Variants in LURAP1L observed in about 807,000 individuals in gnomAD.
LURAP1L encodes leucine rich adaptor protein 1 like, also known as leucine rich adaptor protein 1-like.
LURAP1L carries 12 observed loss-of-function variants against 13.8 expected under a neutral mutation model. That is an observed-to-expected ratio of 0.87 (90% CI 0.56 to 1.41). The LOEUF is 1.41. Ranked by LOEUF, LURAP1L falls within the 40% of genes most tolerant of loss-of-function variation. The pLI, the probability that LURAP1L is intolerant of heterozygous loss-of-function variation, is 0.00. For missense variants in LURAP1L, 375 were observed against 292.9 expected (o/e 1.28, Z -2.04); for synonymous variants, 139 against 119.2 (o/e 1.17, Z -1.08).
chr9:12,801,151 A>T (rs1819580373), intron 1 of LURAP1L, among the ~76,000 whole-genome samples: 1 of 152,148 alleles, frequency 6.6e-6, no homozygotes, highest in South Asian at 2.1e-4. Context: ...TGAGTTGTAT[A>T]AGCAGAGAAT....
intron 1 of LURAP1L, among the ~76,000 whole-genome samples, chr9:12,793,681 A>G (rs1007816656): frequency 6.6e-6 from 1 of 152,086 alleles, no homozygotes; most frequent in Non-Finnish European, 1.5e-5. Context: ...CTTAATGACC[A>G]TTGTGCATTA....
At chr9:12,799,481 T>C (rs1444060141) in intron 1 of LURAP1L, among the ~76,000 whole-genome samples, 1 of 152,194 alleles carries the variant, frequency 6.6e-6, no homozygotes, top group Non-Finnish European at 1.5e-5. Flanking sequence ...ATATAAATAA[T>C]CATTTTGAAC....
intron 1 of LURAP1L, among the ~76,000 whole-genome samples, chr9:12,788,398 T>G (rs966303312): frequency 6.6e-6 from 1 of 152,106 alleles, no homozygotes; most frequent in Non-Finnish European, 1.5e-5. Flanking sequence ...TGACACTATA[T>G]TTTTAAAAAA....
chr9:12,802,473 A>G (rs1049534081), intron 1 of LURAP1L, among the ~76,000 whole-genome samples: 6 of 152,086 alleles, frequency 3.9e-5, no homozygotes, highest in African/African-American at 1.4e-4. Flanking sequence ...GCCACGTGAA[A>G]TGCTAGCTCT....
chr9:12,810,848 T>C (rs1819726608), intron 1 of LURAP1L, among the ~76,000 whole-genome samples: 2 of 152,126 alleles, frequency 1.3e-5, no homozygotes, highest in African/African-American at 4.8e-5. Flanking sequence ...AGTTTCCAAA[T>C]GAAAATATTT....
chr9:12,804,573 C>A (rs1438207903), intron 1 of LURAP1L, among the ~76,000 whole-genome samples: 1 of 151,982 alleles, frequency 6.6e-6, no homozygotes, highest in Non-Finnish European at 1.5e-5. Context: ...GAATTCCTGA[C>A]CTGAGGTGAT....
chr9:12,793,634 G>A (rs1327237936), intron 1 of LURAP1L, among the ~76,000 whole-genome samples: 1 of 152,020 alleles, frequency 6.6e-6, no homozygotes, highest in Non-Finnish European at 1.5e-5. Context: ...ATCTTATGGG[G>A]ATTCATACAT....
intron 1 of LURAP1L, among the ~76,000 whole-genome samples, chr9:12,780,027 A>C (rs1819247801): frequency 6.6e-6 from 1 of 152,190 alleles, no homozygotes; most frequent in African/African-American, 2.4e-5. Context: ...GGTTCTCCTG[A>C]CACGACCAGT....
In LURAP1L at chr9:12,821,393, T is replaced by A; in HGVS notation, c.320T>A (p.Leu107His). ...TTCTCTCTTTGTCCATAGGTTAACC[T>A]CAGAGCCACAGACGTCAGGCTCATG... The part of the protein sequence containing the change: ...LHLLRQEMVN[L>H]RATDVRLMRQ... Residue 107 changes from leucine to histidine, a missense_variant, in exon 2 of 2, where the codon CTC becomes CAC. Physicochemically the swap from Leu to His is moderately conservative, Grantham distance 99 (BLOSUM62 -3). Transcript: ENST00000319264. 6.2e-7 allele frequency: 1 copy of A among 1,613,008 alleles called. No homozygotes were observed. Among genetic ancestry groups the A allele is most frequent in the Non-Finnish European group, 8.5e-7 (1 of 1,179,122 alleles).
intron 1 of LURAP1L, among the ~76,000 whole-genome samples, chr9:12,792,788 A>G (rs892927172): frequency 6.6e-6 from 1 of 152,080 alleles, no homozygotes; most frequent in Non-Finnish European, 1.5e-5. Flanking sequence ...CGTGTTTTTC[A>G]GGAATCCTGA....
intron 1 of LURAP1L, among the ~76,000 whole-genome samples, chr9:12,802,071 A>G (rs1819594921): frequency 1.3e-5 from 2 of 152,182 alleles, no homozygotes; most frequent in Admixed American, 1.3e-4. Context: ...GATATACATA[A>G]TAAAGTTGGC....
intron 1 of LURAP1L, among the ~76,000 whole-genome samples, chr9:12,792,343 G>C (rs927609470): frequency 7.9e-5 from 12 of 152,068 alleles, no homozygotes; most frequent in Admixed American, 5.2e-4. Flanking sequence ...TAGCACTTTT[G>C]TCTAAAAAAA....
intron 1 of LURAP1L, among the ~76,000 whole-genome samples, chr9:12,820,704 C>T (rs1018483231): frequency 7.2e-5 from 11 of 152,090 alleles, no homozygotes; most frequent in African/African-American, 1.7e-4. Flanking sequence ...CCTTTGGATT[C>T]AGGGAATATT....
chr9:12,813,227 C>T (rs1018547207), intron 1 of LURAP1L, among the ~76,000 whole-genome samples: 2 of 152,016 alleles, frequency 1.3e-5, no homozygotes, highest in Admixed American at 1.3e-4. Context: ...CAATCACAGA[C>T]ATTATTAAAA....
At chr9:12,782,262 G>C (rs1298421527) in intron 1 of LURAP1L, among the ~76,000 whole-genome samples, 3 of 152,144 alleles carry the variant, frequency 2.0e-5, no homozygotes, top group African/African-American at 7.2e-5. Context: ...TTAACTTGAT[G>C]TGATCCCATT....
At chr9:12,793,616 A>C (rs991769681) in intron 1 of LURAP1L, among the ~76,000 whole-genome samples, 7 of 152,104 alleles carry the variant, frequency 4.6e-5, no homozygotes, top group African/African-American at 1.7e-4. Flanking sequence ...TTTCCACTCG[A>C]AGTTGAAATC....
chr9:12,806,481 G>C (rs1304788613), intron 1 of LURAP1L, among the ~76,000 whole-genome samples: 1 of 151,786 alleles, frequency 6.6e-6, no homozygotes, highest in Non-Finnish European at 1.5e-5. Flanking sequence ...CAATTCAGTA[G>C]TAAACAGTAG....
At chr9:12,780,226 G>T (rs1467422016) in intron 1 of LURAP1L, among the ~76,000 whole-genome samples, 1 of 152,192 alleles carries the variant, frequency 6.6e-6, no homozygotes, top group African/African-American at 2.4e-5. Flanking sequence ...TCAAATTGCT[G>T]TTTTTCCAAC....
intron 1 of LURAP1L, among the ~76,000 whole-genome samples, chr9:12,817,768 G>A (rs977125709): frequency 2.1e-4 from 32 of 152,168 alleles, no homozygotes; most frequent in East Asian, 1.9e-4. Context: ...GAGGAAAGGC[G>A]GGGCAGCTAC....
Sources: gnomAD v4.1 joint callset for allele counts (sites outside exome capture counted in the v4.1 genomes callset) on GRCh38, gnomAD v4.1.1 for gene constraint, MANE v1.5 for transcripts, NCBI Gene and HGNC (gene_info 2026-07-23, HGNC 2026-07-21) for gene names.